Variants in TRIM6 observed in about 807,000 individuals in gnomAD.
The protein encoded by TRIM6 is tripartite motif containing 6, also known as tripartite motif-containing protein 6.
Under a neutral mutation model 51.2 loss-of-function variants are expected in TRIM6, and 43 were observed. The ratio of observed to expected loss-of-function variants is 0.84; its 90% CI spans 0.66 to 1.08. The LOEUF (loss-of-function observed/expected upper bound fraction) is 1.08, where lower values mean the gene tolerates loss of function less well. Among genes scored for constraint, TRIM6 ranks in the 50% least tolerant of loss-of-function variants. The pLI, the probability that TRIM6 is intolerant of heterozygous loss-of-function variation, is 0.00. For missense variants in TRIM6, 669 were observed against 619.0 expected (o/e 1.08, Z -0.86); for synonymous variants, 215 against 232.4 (o/e 0.93, Z 0.68).
Position 5,610,236 on chromosome 11 carries a change from G to A in TRIM6, c.949G>A (p.Val317Met), listed in dbSNP as rs1848488848. ...RAPDLKRMLR[V>M]CRELTDVQSY... ...CCCAGATCTGAAAAGGATGCTGCGA[G>A]TGTGTAGAGGTAAGGAGATTCAGGG... The change falls in exon 6 of 8, where the codon GTG becomes ATG. Residue 317 changes from valine to methionine, a missense_variant. Transcript: ENST00000380097. 1.9e-6 allele frequency: 3 copies of A among 1,614,150 alleles called. No individual in the cohort carries two copies. The highest frequency in any genetic ancestry group is 2.5e-6 in the Non-Finnish European group (3 of 1,180,022).
rs1347828920 is a variant in TRIM6 at position 5,599,924 on chromosome 11, A to C, written c.17+3010A>C. Among the ~76,000 whole-genome samples, 3 of 152,256 alleles carry C rather than the reference A, an allele frequency of 2.0e-5. No homozygotes were observed. The East Asian group carries it at 5.8e-4, about 29-fold the overall frequency. ...TGCCTCTAGAGCCTCTATTGCCTCT[A>C]TTATCAAAGGCAATAGAGCCTTATA... On this transcript the variant is annotated intron_variant, in intron 1 of 7. Transcript: ENST00000380097.
chr11:5,608,168 T>C (rs1246542810), intron 4 of TRIM6, among the ~76,000 whole-genome samples: 2 of 152,174 alleles, frequency 1.3e-5, no homozygotes, highest in Non-Finnish European at 2.9e-5. Context: ...ATCAAGACAC[T>C]GATGAGTCAA....
At chr11:5,605,256 G>T in intron 3 of TRIM6, 81 bp from the exon 4 acceptor site, 1 of 1,598,060 alleles carries the variant, frequency 6.3e-7, no homozygotes, top group African/African-American at 1.3e-5. Flanking sequence ...AAGCAGTCCT[G>T]AGCCCAACTT....
intron 3 of TRIM6, chr11:5,604,868 G>T: frequency 2.1e-6 from 1 of 472,956 alleles, no homozygotes. Flanking sequence ...GCTAGGGGTC[G>T]CCCCAATTCA....
Position 5,611,113 on chromosome 11 carries a change from G to C in TRIM6, c.1322G>C (p.Arg441Thr), listed in dbSNP as rs747600967. ...VIGLQHNHEYRAYEDSSPSLL... is the reference protein window; with the variant it reads ...VIGLQHNHEYTAYEDSSPSLL... ...GGGTTACAGCATAACCATGAATATA[G>C]GGCCTATGAGGATTCTTCCCCTTCC... The change falls in exon 8 of 8, where the codon AGG (arginine) becomes ACG (threonine). Residue 441 changes from arginine (R) to threonine (T), a missense_variant. Coordinates refer to ENST00000380097, the MANE Select transcript of TRIM6 (RefSeq NM_001003818.3). The C allele has an allele frequency of 1.9e-6, 3 of 1,614,112 alleles. No individual in the cohort carries two copies. Among genetic ancestry groups the C allele is most frequent in the Non-Finnish European group, 1.7e-6 (2 of 1,180,014 alleles).
intron 3 of TRIM6, 34 bp downstream of exon 3, chr11:5,604,663 C>T: frequency 1.2e-6 from 2 of 1,600,050 alleles, no homozygotes; most frequent in Non-Finnish European, 1.7e-6. Flanking sequence ...TGTCCTGGGG[C>T]AGGAATCATG....
intron 4 of TRIM6, among the ~76,000 whole-genome samples, chr11:5,606,842 G>A (rs7104061): frequency 0.22 from 33,258 of 152,034 alleles, 3,648 homozygotes; most frequent in Middle Eastern, 0.36. Context: ...TAAACTTTCT[G>A]GAATTTTCCC....
intron 2 of TRIM6, 49 bp from the exon 3 acceptor site, chr11:5,604,485 G>T (rs780522029): frequency 6.3e-7 from 1 of 1,579,816 alleles, no homozygotes; most frequent in Non-Finnish European, 8.6e-7. Context: ...TCTGGGTACT[G>T]AGTCAACTGA....
In TRIM6 at chr11:5,611,745, G is replaced by C. The variant is rs540792202; in HGVS notation, c.*403G>C. ...TGGGATTACAGATGTGAGCCGCCGC[G>C]CCCAGACAGTTCTTTCGTTTTAAAC... On this transcript the variant is annotated 3_prime_UTR_variant, in exon 8 of 8. Coordinates refer to ENST00000380097, the MANE Select transcript of TRIM6 (RefSeq NM_001003818.3). 5.2e-6 allele frequency: 1 copy of C among 193,458 alleles called. No homozygotes were observed. Among genetic ancestry groups the C allele is most frequent in the Non-Finnish European group, 1.1e-5 (1 of 92,878 alleles). 12.0% of individuals were successfully genotyped at this position (193,458 alleles called of 1,614,324 possible).
chr11:5,609,709 T>G (rs1025212689), intron 5 of TRIM6, among the ~76,000 whole-genome samples: 2 of 152,062 alleles, frequency 1.3e-5, no homozygotes, highest in Non-Finnish European at 2.9e-5. Context: ...GATCACGAGG[T>G]CAGGAGATCA....
intron 1 of TRIM6, among the ~76,000 whole-genome samples, chr11:5,601,305 C>T (rs1488296826): frequency 6.6e-6 from 1 of 152,210 alleles, no homozygotes; most frequent in Non-Finnish European, 1.5e-5. Flanking sequence ...AATTCTACAA[C>T]TTACAAGGTG....
intron 3 of TRIM6, 35 bp downstream of exon 3, chr11:5,604,664 A>C: frequency 6.2e-7 from 1 of 1,600,946 alleles, no homozygotes; most frequent in Non-Finnish European, 8.5e-7. Context: ...GTCCTGGGGC[A>C]GGAATCATGG....
intron 1 of TRIM6, among the ~76,000 whole-genome samples, chr11:5,601,739 T>C (rs550892169): frequency 6.6e-6 from 1 of 151,956 alleles, no homozygotes; most frequent in Admixed American, 6.6e-5. Context: ...GCCTGGGCGA[T>C]AGAGCAAGAC....
chr11:5,603,827 CTTTA>C, intron 2 of TRIM6, 92 bp downstream of exon 2: 1 of 1,493,860 alleles, frequency 6.7e-7, no homozygotes, highest in Non-Finnish European at 8.9e-7. Flanking sequence ...TCTTTGTAGT[CTTTA>C]TTTACCTAGA....
intron 3 of TRIM6, 55 bp downstream of exon 3, chr11:5,604,684 G>C: frequency 6.4e-7 from 1 of 1,571,324 alleles, no homozygotes; most frequent in Non-Finnish European, 8.6e-7. Context: ...GCAGGTCATA[G>C]GAGCTGAGGG....
intron 4 of TRIM6, among the ~76,000 whole-genome samples, chr11:5,607,497 G>A (rs1227437372): frequency 1.3e-5 from 2 of 152,142 alleles, no homozygotes; most frequent in Non-Finnish European, 2.9e-5. Context: ...CCAAACTTAA[G>A]CTTTTCTTCG....
rs779106961 is a variant in TRIM6 at position 5,605,457 on chromosome 11, C to T, written c.724C>T (p.Arg242Ter). 6.2e-6 allele frequency: 10 copies of T among 1,614,122 alleles called. No homozygotes were observed. Among genetic ancestry groups the T allele is most frequent in the Non-Finnish European group, 8.5e-6 (10 of 1,180,038 alleles). Residue 242 changes from arginine (R) to a stop codon, truncating the protein, a stop_gained, in exon 4 of 8, where the codon CGA becomes TGA. Transcript: ENST00000380097. LOFTEE classifies it high-confidence loss of function. ...GGAACAGGAAGAGAAGAAGGGGCTACGAATTATAGAAGAGGCTGAGAATGA... is the reference window on the plus strand; with the variant it reads ...GGAACAGGAAGAGAAGAAGGGGCTATGAATTATAGAAGAGGCTGAGAATGA... ...KLEQEEKKGL[R>*]IIEEAENDLV...
At chr11:5,599,913 C>T (rs1181291871) in intron 1 of TRIM6, among the ~76,000 whole-genome samples, 1 of 152,126 alleles carries the variant, frequency 6.6e-6, no homozygotes, top group Non-Finnish European at 1.5e-5. Flanking sequence ...TCTAGAGCCT[C>T]TATTGCCTCT....
chr11:5,596,518 C>T (rs1373064601), upstream of TRIM6: 2 of 62,136 alleles, frequency 3.2e-5, no homozygotes. Flanking sequence ...CCCGTTCTCC[C>T]CTTCCCCCCT....
Sources: gnomAD v4.1 joint callset for allele counts (sites outside exome capture counted in the v4.1 genomes callset) on GRCh38, gnomAD v4.1.1 for gene constraint, MANE v1.5 for transcripts, NCBI Gene and HGNC (gene_info 2026-07-23, HGNC 2026-07-21) for gene names.